Variants in ZC3H11A observed in about 807,000 individuals in gnomAD.
The protein encoded by ZC3H11A is zinc finger CCCH-type containing 11A, also known as zinc finger CCCH domain-containing protein 11A.
In ZC3H11A, 22 loss-of-function variants were observed where a neutral mutation model predicts 90.8. The observed-to-expected ratio is 0.24, with a 90% CI of 0.17 to 0.35. The LOEUF is 0.35. Among genes scored for constraint, ZC3H11A ranks in the 10% least tolerant of loss-of-function variants. The pLI is 1.00. For synonymous variants in ZC3H11A, 294 were observed against 339.8 expected (o/e 0.87, Z 1.48); for missense variants, 701 against 964.9 (o/e 0.73, Z 3.62).
intron 10 of ZC3H11A, chr1:203,835,765 C>T: frequency 4.1e-6 from 1 of 241,668 alleles, no homozygotes. Context: ...GCTTTGTATA[C>T]ATAAGCACAT....
chr1:203,828,260 C>T, intron 4 of ZC3H11A, 39 bp from the exon 5 acceptor site: 11 of 1,612,554 alleles, frequency 6.8e-6, no homozygotes, highest in Non-Finnish European at 9.3e-6. Context: ...ATACGTATCA[C>T]TGTTTTATTT....
intron 2 of ZC3H11A, among the ~76,000 whole-genome samples, chr1:203,808,831 T>C (rs1673267290): frequency 6.6e-6 from 1 of 152,106 alleles, no homozygotes; most frequent in Non-Finnish European, 1.5e-5. Flanking sequence ...ATCATTATTT[T>C]ATATATTTAT....
Position 203,802,714 on chromosome 1 carries a change from C to CT in ZC3H11A, c.-439dup, listed in dbSNP as rs150416242. The CT allele has an allele frequency of 0.52, 67,813 of 131,342 alleles. 16,737 individuals carry two copies. The highest frequency in any genetic ancestry group is 0.57 in the Non-Finnish European group (34,592 of 60,790). The allele number at this position is 131,342 out of a possible 1,614,324, so 8.1% of individuals were successfully genotyped here. On this transcript the variant is annotated 5_prime_UTR_variant, in exon 2 of 18. It removes the in-frame stop codon of an upstream open reading frame in the 5' UTR. Coordinates refer to ENST00000367210, the MANE Select transcript of ZC3H11A (RefSeq NM_001376342.1). ...TCTCAAGTTCATCTTTAAATGAACT[C>CT]TTTTTTTTTGTTTTTTTTTTGTTTT...
intron 2 of ZC3H11A, among the ~76,000 whole-genome samples, chr1:203,803,567 C>T (rs143707535): frequency 6.6e-6 from 1 of 152,122 alleles, no homozygotes; most frequent in South Asian, 2.1e-4. Context: ...AAAGTGAAAT[C>T]TTCCTGTAAT....
At chr1:203,843,277 A>G (rs542563475) in intron 12 of ZC3H11A, among the ~76,000 whole-genome samples, 1 of 152,302 alleles carries the variant, frequency 6.6e-6, no homozygotes, top group African/African-American at 2.4e-5. Flanking sequence ...TAAATACATA[A>G]ATACTGATTC....
intron 1 of ZC3H11A, chr1:203,797,586 T>G (rs1668981550): frequency 9.8e-6 from 15 of 1,534,264 alleles, no homozygotes; most frequent in Non-Finnish European, 1.3e-5. Context: ...ATGCAACACT[T>G]TTAGTGATTC....
intron 10 of ZC3H11A, among the ~76,000 whole-genome samples, chr1:203,835,294 C>T (rs1683924755): frequency 6.6e-6 from 1 of 152,180 alleles, no homozygotes; most frequent in South Asian, 2.1e-4. Context: ...GTAAACCATG[C>T]ACAATGCTTG....
Position 203,849,802 on chromosome 1 carries a change from A to T in ZC3H11A, c.1715A>T (p.Glu572Val). ...MREKHMQKQQ[E>V]REKSVLTPLR... ...GAGAAGCACATGCAGAAACAGCAGG[A>T]GAGGGAAAAATCAGTCTTGACACCT... Residue 572 changes from glutamate (E) to valine (V), a missense_variant, in exon 15 of 18, where the codon GAG (glutamate) becomes GTG (valine). Transcript: ENST00000367210. 6.2e-7 allele frequency: 1 copy of T among 1,613,966 alleles called. No individual in the cohort carries two copies. Among genetic ancestry groups the T allele is most frequent in the Non-Finnish European group, 8.5e-7 (1 of 1,179,896 alleles).
chr1:203,821,436 G>A (rs1276830836), intron 4 of ZC3H11A, among the ~76,000 whole-genome samples: 1 of 151,772 alleles, frequency 6.6e-6, no homozygotes. Context: ...TTACTTTTAT[G>A]CTCCGATTGA....
At chr1:203,833,618 GTT>G (rs553171669) in intron 9 of ZC3H11A, among the ~76,000 whole-genome samples, 171 bp from the exon 10 acceptor site, 243 of 124,804 alleles carry the variant, frequency 1.9e-3, no homozygotes, top group East Asian at 3.3e-3. Context: ...ATAGGTTTGG[GTT>G]TTTTTTTTTT....
In ZC3H11A at chr1:203,852,173, A is replaced by T; in HGVS notation, c.2207A>T (p.Asp736Val). ...CTGCCTCCAACCCAGTCCTCTTCAG[A>T]TTCCTCACCCCCGGAGGTGTCTGGC... is the stretch of plus-strand genomic sequence containing the variant. ...LVLPPTQSSS[D>V]SSPPEVSGPS... The change falls in exon 18 of 18, where the codon GAT becomes GTT. Residue 736 changes from aspartate to valine, a missense_variant. Asp to Val is a radical substitution (Grantham distance 152). Coordinates refer to ENST00000367210, the MANE Select transcript of ZC3H11A (RefSeq NM_001376342.1). 1 of 1,613,536 alleles carries T rather than the reference A, an allele frequency of 6.2e-7. No homozygotes were observed. Among genetic ancestry groups the T allele is most frequent in the Non-Finnish European group, 8.5e-7 (1 of 1,179,814 alleles).
At position 203,831,654 on chromosome 1, in the gene ZC3H11A, T is replaced by A; in HGVS notation, c.701-7T>A. ...TTATTTGCTGTTCTTTGACTTGCCT[T>A]ATTCAGAGGGTTCTTCAGGAGTTTC... On this transcript the variant is annotated splice_polypyrimidine_tract_variant and splice_region_variant and intron_variant, in intron 8 of 17. Coordinates refer to ENST00000367210, the MANE Select transcript of ZC3H11A (RefSeq NM_001376342.1). 1 of 1,609,084 alleles carries A rather than the reference T, an allele frequency of 6.2e-7. No homozygotes were observed. Among genetic ancestry groups the A allele is most frequent in the Non-Finnish European group, 8.5e-7 (1 of 1,177,358 alleles).
intron 4 of ZC3H11A, among the ~76,000 whole-genome samples, chr1:203,823,339 A>C (rs1170154256): frequency 6.6e-6 from 1 of 152,218 alleles, no homozygotes; most frequent in Non-Finnish European, 1.5e-5. Flanking sequence ...CTCTTTTCCT[A>C]GTCATGAAAA....
intron 4 of ZC3H11A, among the ~76,000 whole-genome samples, chr1:203,820,487 T>TGTGTGTGTGTG (rs1553263519): frequency 1.3e-5 from 2 of 152,162 alleles, no homozygotes; most frequent in African/African-American, 4.8e-5. Context: ...TGTGTGTATA[T>TGTGTGTGTGTG]TTTGAGTTGA....
intron 14 of ZC3H11A, among the ~76,000 whole-genome samples, chr1:203,849,319 CAAG>C (rs1688716065): frequency 6.6e-6 from 1 of 152,236 alleles, no homozygotes; most frequent in South Asian, 2.1e-4. Flanking sequence ...AATAATTCTT[CAAG>C]AAGTTTGTTT....
At chr1:203,821,711 T>C (rs934097255) in intron 4 of ZC3H11A, among the ~76,000 whole-genome samples, 2 of 152,328 alleles carry the variant, frequency 1.3e-5, no homozygotes, top group Admixed American at 1.3e-4. Flanking sequence ...CTGAGGAATA[T>C]ATAAATGTAT....
Position 203,817,016 on chromosome 1 carries a change from G to A in ZC3H11A, c.-55G>A, listed in dbSNP as rs1676595321. 3 of 1,375,614 alleles carry A rather than the reference G, an allele frequency of 2.2e-6. No homozygotes were observed. The Admixed American group carries it at 6.0e-5, about 28-fold the overall frequency. The allele number at this position is 1,375,614 out of a possible 1,614,324, so 85.2% of individuals were successfully genotyped here. On this transcript the variant is annotated 5_prime_UTR_variant, in exon 3 of 18. Transcript: ENST00000367210. ...GGACTTGGAGCCTGGTCCTTGCTTTGAGGAAGCAGTGGCTTGTTTCAAGAA... is the reference window on the plus strand; with the variant it reads ...GGACTTGGAGCCTGGTCCTTGCTTTAAGGAAGCAGTGGCTTGTTTCAAGAA...
chr1:203,814,395 A>G (rs954309965), intron 2 of ZC3H11A, among the ~76,000 whole-genome samples: 3 of 152,160 alleles, frequency 2.0e-5, no homozygotes, highest in African/African-American at 7.2e-5. Flanking sequence ...GTGGTGGTGC[A>G]AGCCTGTAAT....
chr1:203,846,115 CA>C (rs34793133), intron 12 of ZC3H11A, among the ~76,000 whole-genome samples: 11,884 of 52,868 alleles, frequency 0.22, 641 homozygotes, highest in Non-Finnish European at 0.31. Context: ...TCGTCTTTAC[CA>C]AAAAAAAAAA....
Sources: allele counts gnomAD v4.1 joint callset (sites outside exome capture counted in the v4.1 genomes callset), GRCh38; gene constraint gnomAD v4.1.1; transcripts MANE v1.5; gene names NCBI Gene and HGNC (gene_info 2026-07-23, HGNC 2026-07-21).